Variants in TARBP1 observed in about 807,000 individuals in gnomAD.
TARBP1 encodes tRNA guanosine 2 -O-methyltransferase TARBP1, also known as tRNA (guanosine(18)-2'-O)-methyltransferase TARBP1.
In TARBP1, 144 loss-of-function variants were observed where a neutral mutation model predicts 178.6. The observed-to-expected ratio is 0.81, with a 90% CI of 0.70 to 0.93. The LOEUF (loss-of-function observed/expected upper bound fraction) is 0.93, where lower values mean the gene tolerates loss of function less well. Ranked by LOEUF, TARBP1 falls within the 40% of genes least tolerant of loss-of-function variation. The probability of loss-of-function intolerance (pLI) is 0.00; values close to 1 mark genes in which losing one functional copy is unlikely to be tolerated. For synonymous variants in TARBP1, 787 were observed against 781.0 expected, an observed-to-expected ratio of 1.01 and a Z score of -0.13; for missense variants, 2,067 against 2,011.7, an observed-to-expected ratio of 1.03 and a Z score of -0.53.
intron 13 of TARBP1, among the ~76,000 whole-genome samples, chr1:234,434,266 G>T (rs1032967521): frequency 1.3e-5 from 2 of 152,206 alleles, no homozygotes; most frequent in Non-Finnish European, 2.9e-5. Flanking sequence ...CCATCACAGG[G>T]TTTCTGAAGG....
At position 234,472,706 on chromosome 1, in the gene TARBP1, A is replaced by T. The variant is rs751313295; in HGVS notation, c.1029+8T>A. 34 of 1,557,012 alleles carry T rather than the reference A, an allele frequency of 2.2e-5. No homozygotes were observed. In the East Asian group the frequency reaches 7.0e-4, roughly 32 times the overall value. Reference sequence around the variant, plus strand: ...CTGTAGGATTTGCTAAAATAGAAAAACACTTACCTGATTTCCTTCTAAAGT... The same window carrying T: ...CTGTAGGATTTGCTAAAATAGAAAATCACTTACCTGATTTCCTTCTAAAGT... On this transcript the variant is annotated splice_region_variant and intron_variant, in intron 2 of 29. Transcript: ENST00000040877.
At chr1:234,468,510 A>G (rs1571870830) in intron 3 of TARBP1, among the ~76,000 whole-genome samples, 1 of 152,316 alleles carries the variant, frequency 6.6e-6, no homozygotes. Context: ...TAACTGCTAC[A>G]GTGTACAAAA....
At chr1:234,454,974 A>ACT (rs1558233759) in intron 9 of TARBP1, among the ~76,000 whole-genome samples, 1 of 152,232 alleles carries the variant, frequency 6.6e-6, no homozygotes, top group African/African-American at 2.4e-5. Context: ...AGAAGAGAAG[A>ACT]ATGTGATATG....
rs116661391 is a variant in TARBP1, at chr1:234,405,537, T to C, written c.3989+366A>G. ...AAAAAGCCTTTAGCTATAACTAGTA[T>C]AGCTGAGAGATTAAAAGTATGTCTT... On this transcript the variant is annotated intron_variant, in intron 24 of 29. Coordinates refer to ENST00000040877, the MANE Select transcript of TARBP1 (RefSeq NM_005646.4). The C allele has an allele frequency of 6.2e-3, 1,173 of 190,628 alleles. 22 individuals are homozygous for C. Among genetic ancestry groups the C allele is most frequent in the African/African-American group, 0.026 (1,097 of 43,014 alleles). The allele number at this position is 190,628 out of a possible 1,614,324, so 11.8% of individuals were successfully genotyped here.
intron 21 of TARBP1, 122 bp downstream of exon 21, chr1:234,420,580 T>A: frequency 1.9e-6 from 1 of 534,222 alleles, no homozygotes; most frequent in Non-Finnish European, 3.0e-6. Context: ...TTTTAAGAAC[T>A]GCAGAATAAA....
rs111594417 is a variant in TARBP1 at position 234,407,047 on chromosome 1, CTT to C, written c.3793-950_3793-949del. On this transcript the variant is annotated intron_variant, in intron 23 of 29. Transcript: ENST00000040877. ...GATAAAAACAGAGATAAACAATCCT[CTT>C]TCTCTCATTCCTTTACTCAACATGT... The C allele has an allele frequency of 1.4e-3, 207 of 152,344 alleles. 3 individuals are homozygous for C. The highest frequency in any genetic ancestry group is 4.6e-3 in the African/African-American group (193 of 41,582). 9.4% of individuals were successfully genotyped at this position (152,344 alleles called of 1,614,324 possible). A position where few individuals can be genotyped will look rare whatever the true frequency, so the allele number is the denominator to read the frequency against.
chr1:234,462,226 G>A (rs1385003127), intron 6 of TARBP1, among the ~76,000 whole-genome samples: 1 of 152,180 alleles, frequency 6.6e-6, no homozygotes, highest in East Asian at 1.9e-4. Flanking sequence ...TCTGTGATAT[G>A]CCTGGTCCTG....
chr1:234,467,218 T>C (rs1668533787), intron 4 of TARBP1, among the ~76,000 whole-genome samples: 2 of 152,242 alleles, frequency 1.3e-5, no homozygotes, highest in Non-Finnish European at 2.9e-5. Flanking sequence ...CCAGTTTTCA[T>C]ATAGTGAAAA....
chr1:234,435,801 C>G (rs1315031501), intron 13 of TARBP1, among the ~76,000 whole-genome samples: 1 of 152,156 alleles, frequency 6.6e-6, no homozygotes, highest in Non-Finnish European at 1.5e-5. Context: ...GCAGACCCAG[C>G]CAGCATCGCA....
At chr1:234,459,693 T>A (rs2103258394) in intron 7 of TARBP1, among the ~76,000 whole-genome samples, 1 of 151,878 alleles carries the variant, frequency 6.6e-6, no homozygotes, top group South Asian at 2.1e-4. Flanking sequence ...ACACCTTTAA[T>A]CCCAGCTACT....
intron 29 of TARBP1, 49 bp downstream of exon 29, chr1:234,392,367 A>G (rs761058011): frequency 9.5e-6 from 15 of 1,585,342 alleles, no homozygotes; most frequent in Non-Finnish European, 1.3e-5. Context: ...AACATCTTCC[A>G]GTAGTCTGGG....
chr1:234,420,126 A>G (rs947039177), intron 21 of TARBP1, among the ~76,000 whole-genome samples: 3 of 152,222 alleles, frequency 2.0e-5, no homozygotes, highest in Admixed American at 1.3e-4. Flanking sequence ...ATGGTTAGAA[A>G]AATCAGATCG....
intron 20 of TARBP1, among the ~76,000 whole-genome samples, chr1:234,422,143 A>G (rs1663175334): frequency 6.6e-6 from 1 of 152,162 alleles, no homozygotes; most frequent in African/African-American, 2.4e-5. Flanking sequence ...AAGCATCTTC[A>G]TGTCAAGAAA....
Position 234,425,788 on chromosome 1 carries a change from T to C in TARBP1, c.3329A>G (p.Lys1110Arg). 1 of 1,559,140 alleles carries C rather than the reference T, an allele frequency of 6.4e-7. No individual in the cohort carries two copies. Among genetic ancestry groups the C allele is most frequent in the South Asian group, 1.2e-5 (1 of 84,782 alleles). ...AATTCTCACATAATGGTCTTCTCTCTTAGTACTAAAAAAATTAAATGATAA... is the reference window on the plus strand; with the variant it reads ...AATTCTCACATAATGGTCTTCTCTCCTAGTACTAAAAAAATTAAATGATAA... ...CAANIVMENT[K>R]REDHYVRICA... Residue 1110 changes from lysine to arginine, a missense_variant, in exon 20 of 30, where the codon AAG becomes AGG. Transcript: ENST00000040877.
At position 234,478,632 on chromosome 1, in the gene TARBP1, G is replaced by C; in HGVS notation, c.472C>G (p.Pro158Ala). 1 of 1,295,898 alleles carries C rather than the reference G, an allele frequency of 7.7e-7. No individual in the cohort carries two copies. Among genetic ancestry groups the C allele is most frequent in the South Asian group, 2.1e-5 (1 of 47,818 alleles). The allele number at this position is 1,295,898 out of a possible 1,614,324, so 80.3% of individuals were successfully genotyped here. A position where few individuals can be genotyped will look rare whatever the true frequency, so the allele number is the denominator to read the frequency against. Reference sequence around the variant, plus strand: ...GTCCCCGCCACGCGCTCCAGTAGCGGCCCGTCCTCGCGGGGCCGCAAACAT... The same window carrying C: ...GTCCCCGCCACGCGCTCCAGTAGCGCCCCGTCCTCGCGGGGCCGCAAACAT... ...GPCLRPREDG[P>A]LLERVAGTAV... is the part of the protein sequence containing the mutation. Residue 158 changes from proline to alanine, a missense_variant, in exon 1 of 30, where the codon CCG becomes GCG. By Grantham distance (27) the Pro-to-Ala change is conservative. Coordinates refer to ENST00000040877, the MANE Select transcript of TARBP1 (RefSeq NM_005646.4).
intron 23 of TARBP1, among the ~76,000 whole-genome samples, chr1:234,409,531 G>A (rs1661594011): frequency 6.6e-6 from 1 of 152,162 alleles, no homozygotes; most frequent in African/African-American, 2.4e-5. Context: ...ATGTGAACGA[G>A]TTTTCCTGGA....
intron 4 of TARBP1, among the ~76,000 whole-genome samples, chr1:234,466,798 G>GGTTGCACTGAGCCGAGATC (rs1668483773): frequency 6.6e-6 from 1 of 152,072 alleles, no homozygotes; most frequent in Admixed American, 6.6e-5. Context: ...GGGAAGCGGA[G>GGTTGCACTGAGCCGAGATC]GTTGCACTGA....
chr1:234,470,469 C>T (rs535904054), intron 3 of TARBP1, among the ~76,000 whole-genome samples: 4 of 152,096 alleles, frequency 2.6e-5, no homozygotes, highest in African/African-American at 7.2e-5. Flanking sequence ...CAAGGCTGGC[C>T]GTGAGACGAT....
chr1:234,406,294 A>C, intron 23 of TARBP1, 195 bp from the exon 24 acceptor site: 1 of 575,826 alleles, frequency 1.7e-6, no homozygotes, highest in East Asian at 2.8e-5. Context: ...TACTCAAGGA[A>C]AAACACATTC....
Sources: gnomAD v4.1 joint callset for allele counts (sites outside exome capture counted in the v4.1 genomes callset) on GRCh38, gnomAD v4.1.1 for gene constraint, MANE v1.5 for transcripts, NCBI Gene and HGNC (gene_info 2026-07-23, HGNC 2026-07-21) for gene names.